The following CD163 variants were observed in gnomAD, a reference collection of about 807,000 sequenced individuals.
CD163 encodes the protein CD163 molecule, also known as scavenger receptor cysteine-rich type 1 protein M130.
CD163 carries 64 observed loss-of-function variants against 129.2 expected under a neutral mutation model. That is an observed-to-expected ratio of 0.50 (90% confidence interval 0.41 to 0.61). The LOEUF (loss-of-function observed/expected upper bound fraction) is 0.61. Ranked by LOEUF, CD163 falls within the 20% of genes least tolerant of loss-of-function variation. The probability of loss-of-function intolerance (pLI) is 0.00; values close to 1 mark genes in which losing one functional copy is unlikely to be tolerated. For synonymous variants in CD163, 446 were observed against 478.5 expected (o/e 0.93, Z 0.89); for missense variants, 1,061 against 1,377.9 (o/e 0.77, Z 3.64).
Position 7,502,476 on chromosome 12 carries a change from A to T in CD163, c.133+2T>A, listed in dbSNP as rs1455259483. The T allele has an allele frequency of 6.3e-7, 1 of 1,575,062 alleles. No individual in the cohort carries two copies. The highest frequency in any genetic ancestry group is 1.7e-5 in the Admixed American group (1 of 59,958). On this transcript the variant is annotated splice_donor_variant, in intron 2 of 16. Coordinates refer to ENST00000432237, the MANE Select transcript of CD163 (RefSeq NM_203416.4). LOFTEE classifies it high-confidence loss of function. Reference sequence around the variant, plus strand: ...TGTAAGTAAATTTGACAAAGTACTCACCAAGAGAACTGGTGACAAAACAGG... The same window carrying T: ...TGTAAGTAAATTTGACAAAGTACTCTCCAAGAGAACTGGTGACAAAACAGG...
intron 15 of CD163, chr12:7,480,563 T>C (rs1949148940): frequency 6.5e-6 from 1 of 153,068 alleles, no homozygotes; most frequent in African/African-American, 2.4e-5. Flanking sequence ...GGTCAGAGGA[T>C]ACAAAGTAGC....
chr12:7,502,851 A>T, intron 1 of CD163: 1 of 548,830 alleles, frequency 1.8e-6, no homozygotes, highest in South Asian at 2.8e-5. Context: ...TGGAAAATGG[A>T]AACAACATCA....
rs1458472380 is a variant in CD163 at position 7,496,917 on chromosome 12, C to T, written c.995G>A (p.Ser332Asn). The T allele has an allele frequency of 1.2e-6, 2 of 1,613,986 alleles. No individual in the cohort carries two copies. The highest frequency in any genetic ancestry group is 2.7e-5 in the African/African-American group (2 of 74,932). The change falls in exon 5 of 17, where the codon AGC becomes AAC. Residue 332 changes from serine to asparagine, a missense_variant. Ser to Asn is a conservative substitution (Grantham distance 46, BLOSUM62 1). Transcript: ENST00000432237. The surrounding 1 kb of genome is among the most constrained non-coding windows in gnomAD (Gnocchi z 4.8). ...SKGFGHIWLD[S>N]VSCQGHEPAI... ...AGGTTCATGTCCCTGGCAAGAAACG[C>T]TGTCAAGCCAGATGTGTCCAAATCC...
chr12:7,495,291 G>T lies in CD163; in HGVS notation c.1210C>A (p.Leu404Met). 6.2e-7 allele frequency: 1 copy of T among 1,614,046 alleles called. No individual in the cohort carries two copies. The highest frequency in any genetic ancestry group is 8.5e-7 in the Non-Finnish European group (1 of 1,179,980). The part of the protein sequence containing the change: ...LGKVCDRGWG[L>M]KEADVVCRQL... ...CTGCAAACCACATCAGCTTCTTTCA[G>T]TCCCCAGCCTCTGTCACACACCTTC... Residue 404 changes from leucine (L) to methionine (M), a missense_variant, in exon 6 of 17, where the codon CTG becomes ATG. Transcript: ENST00000432237.
At chr12:7,474,761 C>CT (rs1949060671) in intron 16 of CD163, among the ~76,000 whole-genome samples, 3 of 152,002 alleles carry the variant, frequency 2.0e-5, no homozygotes, top group Non-Finnish European at 4.4e-5. Flanking sequence ...ACATGAAAAA[C>CT]CCTTCAAAAA....
In CD163 at chr12:7,485,474, T is replaced by C. The variant is rs1363854011; in HGVS notation, c.2459-58A>G. ...TCTTTTCTGAAGATTCAGAGACTCC[T>C]TCCCTTTACCTTGATGTAAGAATGG... On this transcript the variant is annotated intron_variant, in intron 10 of 16. Transcript: ENST00000432237. The surrounding 1 kb of genome is among the most constrained non-coding windows in gnomAD (Gnocchi z 4.5). 7 of 1,381,858 alleles carry C rather than the reference T, an allele frequency of 5.1e-6. No individual in the cohort carries two copies. The highest frequency in any genetic ancestry group is 7.1e-6 in the Non-Finnish European group (7 of 989,416). The allele number at this position is 1,381,858 out of a possible 1,614,324, so 85.6% of individuals were successfully genotyped here.
At chr12:7,502,241 C>T (rs759176024) in intron 2 of CD163, among the ~76,000 whole-genome samples, 142 of 152,236 alleles carry the variant, frequency 9.3e-4, no homozygotes, top group Admixed American at 2.6e-3. Context: ...AACATTATTT[C>T]TAATCTTTAA....
chr12:7,497,048 C>T lies in CD163; in HGVS notation c.864G>A (p.Gly288=), dbSNP rs1305946520. 1 of 1,613,906 alleles carries T rather than the reference C, an allele frequency of 6.2e-7. No individual in the cohort carries two copies. Among genetic ancestry groups the T allele is most frequent in the African/African-American group, 1.3e-5 (1 of 74,886 alleles). Residue 288 remains glycine (G), a synonymous_variant, in exon 5 of 17, where the codon GGG becomes GGA. Coordinates refer to ENST00000432237, the MANE Select transcript of CD163 (RefSeq NM_203416.4). ...TGTCCCAGCCGTCATCACATATTGT[C>T]CCCCATTCTCCTTGGAATCTCACTT... is the stretch of plus-strand genomic sequence containing the variant. ...RLEVRFQGEW[G]TICDDGWDSY...
intron 3 of CD163, 140 bp from the exon 4 acceptor site, chr12:7,499,328 G>A (rs6488359): frequency 0.91 from 588,160 of 646,560 alleles, 271,582 homozygotes; most frequent in Non-Finnish European, 0.97. Context: ...AGCTCCACAC[G>A]GTAGAGAATT....
chr12:7,490,759 T>G (rs1265544391), intron 6 of CD163, among the ~76,000 whole-genome samples: 7 of 152,020 alleles, frequency 4.6e-5, no homozygotes. Context: ...ATAGAATACC[T>G]CAACATGTCA....
chr12:7,497,292 A>G (rs1162114519), intron 4 of CD163, among the ~76,000 whole-genome samples, 159 bp from the exon 5 acceptor site: 2 of 149,554 alleles, frequency 1.3e-5, no homozygotes, highest in African/African-American at 2.4e-5. Context: ...TTCAAGATGG[A>G]AGGAGGAGTG....
At chr12:7,498,628 T>G (rs992189619) in intron 4 of CD163, among the ~76,000 whole-genome samples, 2 of 152,122 alleles carry the variant, frequency 1.3e-5, no homozygotes, top group South Asian at 2.1e-4. Context: ...CCTAAACACT[T>G]TCTTCTTTTC....
At position 7,479,387 on chromosome 12, in the gene CD163, A is replaced by T. The variant is rs7314183; in HGVS notation, c.*31+473T>A. ...TCTTTTTTCTGCCTCTAGTTTGCAC[A>T]TACTGTGTCCTTTCTTTGGAACTGT... On this transcript the variant is annotated intron_variant, in intron 16 of 16. Transcript: ENST00000432237. Among the ~76,000 whole-genome samples the T allele has an allele frequency of 3.1e-3, 469 of 152,256 alleles. 2 individuals carry two copies. Among genetic ancestry groups the T allele is most frequent in the African/African-American group, 0.011 (453 of 41,568 alleles).
Position 7,502,552 on chromosome 12 carries a change from T to C in CD163, c.59A>G (p.His20Arg), listed in dbSNP as rs750483053. The part of the protein sequence containing the change: ...EDSGSADFRR[H>R]FVNLSPFTIT... ...GGTGAAGGGACTCAAGTTGACAAAA[T>C]GTCTTCTGAAGTCTGTGAAAAAGAA... The change falls in exon 2 of 17, where the codon CAT (histidine) becomes CGT (arginine). Residue 20 changes from histidine (H) to arginine (R), a missense_variant. Transcript: ENST00000432237. 4 of 1,566,838 alleles carry C rather than the reference T, an allele frequency of 2.6e-6. No homozygotes were observed. Among genetic ancestry groups the C allele is most frequent in the East Asian group, 4.6e-5 (2 of 43,506 alleles).
In CD163 at chr12:7,486,506, G is replaced by A. The variant is rs1010570680; in HGVS notation, c.2451C>T (p.Ile817=). The part of the protein sequence containing the change: ...NCRHKEDAGV[I]CSEFMSLRLT... ...GTCATATGCATAATTTACCTGAGCA[G>A]ATAACTCCCGCATCCTCCTTGTGCC... Residue 817 remains isoleucine, a synonymous_variant, in exon 10 of 17, where the codon ATC becomes ATT. Transcript: ENST00000432237. The A allele has an allele frequency of 3.1e-6, 5 of 1,613,472 alleles. No individual in the cohort carries two copies. The highest frequency in any genetic ancestry group is 3.3e-5 in the Admixed American group (2 of 60,008).
At chr12:7,490,025 G>T (rs774722533) in intron 6 of CD163, among the ~76,000 whole-genome samples, 1 of 151,846 alleles carries the variant, frequency 6.6e-6, no homozygotes, top group Non-Finnish European at 1.5e-5. Context: ...TCTTTTCAAG[G>T]CTGTTCAATT....
In CD163 at chr12:7,485,927, A is replaced by G. The variant is rs995344092; in HGVS notation, c.2459-511T>C. Among the ~76,000 whole-genome samples, 1 of 152,210 alleles carries G rather than the reference A, an allele frequency of 6.6e-6. No homozygotes were observed. Among genetic ancestry groups the G allele is most frequent in the Non-Finnish European group, 1.5e-5 (1 of 68,038 alleles). On this transcript the variant is annotated intron_variant, in intron 10 of 16. Transcript: ENST00000432237. The surrounding 1 kb of genome is among the most constrained non-coding windows in gnomAD (Gnocchi z 4.5). ...AGTTTTTCACTTCCTTAAGTTACTG[A>G]ATCATAGTTCTGTTCCCCATAATAC...
chr12:7,489,656 A>G (rs1197972394), intron 6 of CD163, among the ~76,000 whole-genome samples: 1 of 152,100 alleles, frequency 6.6e-6, no homozygotes. Flanking sequence ...AATAATCATA[A>G]TCATATTAGC....
At position 7,482,774 on chromosome 12, in the gene CD163, TAA is replaced by T. The variant is rs1565399535; in HGVS notation, c.3128-14_3128-13del. Reference sequence around the variant, plus strand: ...ACGGGATGAGCGACCTAAGTAAAAGTAAATATCAAGAGATATGATCATGTCTT... The same window carrying T: ...ACGGGATGAGCGACCTAAGTAAAAGTATATCAAGAGATATGATCATGTCTT... On this transcript the variant is annotated splice_polypyrimidine_tract_variant and intron_variant, in intron 13 of 16. Coordinates refer to ENST00000432237, the MANE Select transcript of CD163 (RefSeq NM_203416.4). 1 of 1,613,586 alleles carries T rather than the reference TAA, an allele frequency of 6.2e-7. No individual in the cohort carries two copies. Among genetic ancestry groups the T allele is most frequent in the East Asian group, 2.2e-5 (1 of 44,854 alleles).
Sources: gnomAD v4.1 joint callset for allele counts (sites outside exome capture counted in the v4.1 genomes callset) on GRCh38, gnomAD v4.1.1 for gene constraint, Gnocchi (gnomAD v3.1) non-coding constraint, MANE v1.5 for transcripts, NCBI Gene and HGNC (gene_info 2026-07-23, HGNC 2026-07-21) for gene names.